Variants in STRA6 observed in about 807,000 individuals in gnomAD.
The protein encoded by STRA6 is signaling receptor and transporter of retinol STRA6.
A neutral mutation model predicts 83.6 loss-of-function variants in STRA6; 48 were observed. The observed-to-expected ratio is 0.57, with a 90% CI of 0.46 to 0.73. The LOEUF (loss-of-function observed/expected upper bound fraction) is 0.73, where lower values mean the gene tolerates loss of function less well. STRA6 is among the 30% of genes least tolerant of loss of function. The pLI, the probability that STRA6 is intolerant of heterozygous loss-of-function variation, is 0.00. For missense variants in STRA6, 760 were observed against 838.8 expected (o/e 0.91, Z 1.16); for synonymous variants, 353 against 362.3 (o/e 0.97, Z 0.29).
At chr15:74,195,550 G>A (rs376461951) in intron 6 of STRA6, 82 bp from the exon 7 acceptor site, 19 of 1,581,492 alleles carry the variant, frequency 1.2e-5, no homozygotes, top group South Asian at 3.5e-5. Context: ...GCCTCTCTTC[G>A]GTCTCCAGCT....
At chr15:74,194,940 A>G in intron 7 of STRA6, 1 of 1,424,782 alleles carries the variant, frequency 7.0e-7, no homozygotes. Flanking sequence ...GCCGGCCTCC[A>G]TCAAGCTTCA....
intron 14 of STRA6, chr15:74,183,456 G>T: frequency 9.2e-7 from 1 of 1,085,898 alleles, no homozygotes; most frequent in Non-Finnish European, 1.1e-6. Context: ...ATGTTGGCCA[G>T]GCTGGTCTTC....
chr15:74,209,340 T>A, upstream of STRA6: 1 of 1,525,768 alleles, frequency 6.6e-7, no homozygotes, highest in Non-Finnish European at 8.8e-7. Context: ...TTAGAGAAGC[T>A]GAGGAACCCC....
chr15:74,208,398 T>C (rs1334340205), intron 1 of STRA6, among the ~76,000 whole-genome samples: 2 of 152,128 alleles, frequency 1.3e-5, no homozygotes, highest in African/African-American at 4.8e-5. Flanking sequence ...GCCACCGTGG[T>C]GTGGCCTTGA....
chr15:74,197,070 C>T (rs983933487), intron 4 of STRA6, among the ~76,000 whole-genome samples: 7 of 152,178 alleles, frequency 4.6e-5, no homozygotes, highest in Admixed American at 3.3e-4. Context: ...TACACTCTGA[C>T]GCTGGGTCCT....
chr15:74,183,966 C>T lies in STRA6; in HGVS notation c.1190G>A (p.Arg397Gln), dbSNP rs376084347. The change falls in exon 14 of 19, where the codon CGA becomes CAA. Residue 397 changes from arginine (R) to glutamine (Q), a missense_variant. By Grantham distance (43) the Arg-to-Gln change is conservative. Coordinates refer to ENST00000395105, the MANE Select transcript of STRA6 (RefSeq NM_022369.4). ...THRTNLRALHRGAALDLSPLH... is the reference protein window; with the variant it reads ...THRTNLRALHQGAALDLSPLH... Reference sequence around the variant, plus strand: ...GGGACTCAAGTCCAGGGCAGCTCCTCGGTGCAGAGCTCGAAGGTTGGTCCT... The same window carrying T: ...GGGACTCAAGTCCAGGGCAGCTCCTTGGTGCAGAGCTCGAAGGTTGGTCCT... 78 of 1,613,486 alleles carry T rather than the reference C, an allele frequency of 4.8e-5. No homozygotes were observed. The highest frequency in any genetic ancestry group is 9.3e-5 in the African/African-American group (7 of 74,906).
chr15:74,211,749 C>T (rs2074371230), upstream of STRA6, among the ~76,000 whole-genome samples: 1 of 151,968 alleles, frequency 6.6e-6, no homozygotes, highest in Non-Finnish European at 1.5e-5. Context: ...GCCTTTCTGC[C>T]CCTGTCCATC....
chr15:74,199,530 T>C (rs1567197175), intron 2 of STRA6, among the ~76,000 whole-genome samples: 1 of 152,270 alleles, frequency 6.6e-6, no homozygotes, highest in East Asian at 1.9e-4. Flanking sequence ...CCTTTACACC[T>C]GGGCCCGGCA....
In STRA6 at chr15:74,181,426, A is replaced by C. The variant is rs760204278; in HGVS notation, c.1553T>G (p.Phe518Cys). The C allele has an allele frequency of 9.3e-6, 15 of 1,613,254 alleles. 1 individual carries two copies. In the South Asian group the frequency reaches 1.6e-4, roughly 18 times the overall value. ...GGCACCCACCAGCACATTGAGGGGG[A>C]AGAGAAGAAAGGTGGCTGCATAGAG... ...RVLYAATFLL[F>C]PLNVLVGAMV... The change falls in exon 17 of 19, where the codon TTC (phenylalanine) becomes TGC (cysteine). Residue 518 changes from phenylalanine to cysteine, a missense_variant. Phe to Cys is a radical substitution (Grantham distance 205, BLOSUM62 -2). Transcript: ENST00000395105.
chr15:74,207,533 C>G (rs1055657775), upstream of STRA6, among the ~76,000 whole-genome samples: 5 of 152,184 alleles, frequency 3.3e-5, no homozygotes, highest in African/African-American at 7.2e-5. Context: ...GCCAGAGACC[C>G]CCGTTGCTCT....
At chr15:74,209,179 A>C, upstream of STRA6, 1 of 1,196,330 alleles carries the variant, frequency 8.4e-7, no homozygotes. Flanking sequence ...CTGGGGCCCC[A>C]CACAACACAC....
Position 74,190,817 on chromosome 15 carries a change from GCAGTA to G in STRA6, c.927+18_927+22del. ...GAGGGCAGGGCTCCAGAGGCAGATG[GCAGTA>G]CAGGGTGAGGGACATACCTGGTAAA... is the stretch of plus-strand genomic sequence containing the variant. On this transcript the variant is annotated intron_variant, in intron 11 of 18. Transcript: ENST00000395105. 6.2e-7 allele frequency: 1 copy of G among 1,614,012 alleles called. No homozygotes were observed. The highest frequency in any genetic ancestry group is 1.1e-5 in the South Asian group (1 of 91,074).
chr15:74,180,696 C>A, intron 18 of STRA6, 86 bp downstream of exon 18: 1 of 1,514,242 alleles, frequency 6.6e-7, no homozygotes, highest in Non-Finnish European at 8.9e-7. Flanking sequence ...TCCTGGCGCT[C>A]ACTCTGTGTG....
upstream of STRA6, among the ~76,000 whole-genome samples, chr15:74,204,279 C>T (rs910353349): frequency 2.0e-5 from 3 of 152,236 alleles, no homozygotes; most frequent in African/African-American, 7.2e-5. Flanking sequence ...CCCTCCCACC[C>T]CTCCTCCTGC....
At chr15:74,185,197 C>T (rs1362470619) in intron 12 of STRA6, 142 bp from the exon 13 acceptor site, 5 of 785,792 alleles carry the variant, frequency 6.4e-6, no homozygotes, top group South Asian at 1.5e-5. Flanking sequence ...CTTGGCCCCA[C>T]CCCCAGGTCT....
chr15:74,185,131 G>C, intron 12 of STRA6, 76 bp from the exon 13 acceptor site: 1 of 1,469,112 alleles, frequency 6.8e-7, no homozygotes, highest in Non-Finnish European at 9.5e-7. Flanking sequence ...CCCCTGCCAG[G>C]GTGGTGCCTT....
chr15:74,180,341 G>A, intron 18 of STRA6, 98 bp from the exon 19 acceptor site: 2 of 1,489,344 alleles, frequency 1.3e-6, no homozygotes, highest in Non-Finnish European at 1.9e-6. Flanking sequence ...TCCCAGGCGT[G>A]TGCAGGTCGT....
chr15:74,194,998 A>G (rs1487473493), intron 7 of STRA6: 1 of 1,433,564 alleles, frequency 7.0e-7, no homozygotes. Context: ...GGGGATCACT[A>G]ACACAGGCAT....
chr15:74,182,396 C>A lies in STRA6; in HGVS notation c.1365G>T (p.Met455Ile), dbSNP rs199788899. Residue 455 changes from methionine to isoleucine, a missense_variant, in exon 15 of 19, where the codon ATG becomes ATT. By Grantham distance (10) the Met-to-Ile change is conservative (BLOSUM62 1). Transcript: ENST00000395105. ...GTTALAFLVL[M>I]PVLHGRNLLL... ...GGAGGTTCCTGCCATGGAGCACAGG[C>A]ATGAGCACCAGGAAGGCCAGGGCCG... 8 of 1,613,652 alleles carry A rather than the reference C, an allele frequency of 5.0e-6. No homozygotes were observed. Among genetic ancestry groups the A allele is most frequent in the Non-Finnish European group, 5.9e-6 (7 of 1,179,824 alleles).
Sources: allele counts gnomAD v4.1 joint callset (sites outside exome capture counted in the v4.1 genomes callset), GRCh38; gene constraint gnomAD v4.1.1; transcripts MANE v1.5; gene names NCBI Gene and HGNC (gene_info 2026-07-23, HGNC 2026-07-21).